Variants in TBL3 observed in about 807,000 individuals in gnomAD.
TBL3 encodes transducin beta-like protein 3.
In TBL3, 71 loss-of-function variants were observed where a neutral mutation model predicts 102.7. The ratio of observed to expected loss-of-function variants is 0.69; its 90% confidence interval spans 0.57 to 0.84. The LOEUF (loss-of-function observed/expected upper bound fraction) is 0.84. Among genes scored for constraint, TBL3 ranks in the 40% least tolerant of loss-of-function variants. The probability of loss-of-function intolerance (pLI) is 0.00; values close to 1 mark genes in which losing one functional copy is unlikely to be tolerated. For synonymous variants in TBL3, 578 were observed against 477.7 expected, an observed-to-expected ratio of 1.21 and a Z score of -2.74; for missense variants, 1,188 against 1,098.5, an observed-to-expected ratio of 1.08 and a Z score of -1.15.
At position 1,982,921 on chromosome 16, in the gene TBL3, A is replaced by G. The variant is rs2083530071; in HGVS notation, c.*4236A>G. ...TAACGGAACAAGACCCTGTCTCAAA[A>G]AAAAAAAAGAAATCCACTCCCCATA... is the stretch of plus-strand genomic sequence containing the variant. On this transcript the variant is annotated 3_prime_UTR_variant, in exon 22 of 22. Coordinates refer to ENST00000568546, the MANE Select transcript of TBL3 (RefSeq NM_006453.3). 1 of 151,880 alleles carries G rather than the reference A, an allele frequency of 6.6e-6. No individual in the cohort carries two copies. Among genetic ancestry groups the G allele is most frequent in the African/African-American group, 2.4e-5 (1 of 41,252 alleles). 9.4% of individuals were successfully genotyped at this position (151,880 alleles called of 1,614,324 possible). A position where few individuals can be genotyped will look rare whatever the true frequency, so the allele number is the denominator to read the frequency against.
At position 1,981,165 on chromosome 16, in the gene TBL3, T is replaced by C. The variant is rs746372065; in HGVS notation, c.*2480T>C. On this transcript the variant is annotated 3_prime_UTR_variant, in exon 22 of 22. Transcript: ENST00000568546. ...CTGCCCCTTGCACTGAAACTGGGTA[T>C]CGGGGGCCTGCCATGGCTGTGGCTT... The C allele has an allele frequency of 1.5e-5, 25 of 1,613,542 alleles. No homozygotes were observed. The highest frequency in any genetic ancestry group is 2.0e-5 in the Non-Finnish European group (24 of 1,180,012).
chr16:1,976,222 C>G lies in TBL3; in HGVS notation c.1200C>G (p.Val400=). The G allele has an allele frequency of 6.2e-7, 1 of 1,614,186 alleles. No individual in the cohort carries two copies. Among genetic ancestry groups the G allele is most frequent in the Non-Finnish European group, 8.5e-7 (1 of 1,180,034 alleles). The change falls in exon 13 of 22, where the codon GTC becomes GTG. Residue 400 remains valine (V), a synonymous_variant. Transcript: ENST00000568546. The stretch of plus-strand genomic sequence containing the variant: ...CTCCCTGTCCCCAGGATCAGAGCGT[C>G]CGTATCTGGAGAATGAACAAGGCTG... ...LFASCAKDQS[V]RIWRMNKAGQ...
Position 1,981,240 on chromosome 16 carries a change from C to T in TBL3, c.*2555C>T. The T allele has an allele frequency of 6.2e-7, 1 of 1,607,220 alleles. No homozygotes were observed. Among genetic ancestry groups the T allele is most frequent in the African/African-American group, 1.3e-5 (1 of 74,942 alleles). On this transcript the variant is annotated 3_prime_UTR_variant, in exon 22 of 22. Coordinates refer to ENST00000568546, the MANE Select transcript of TBL3 (RefSeq NM_006453.3). ...GCGAGGACCCTTCTGCCTCCCCGTG[C>T]TTGAGAGGGCTCTGGGGGACCCAGA...
Position 1,975,435 on chromosome 16 carries a change from C to T in TBL3, c.802C>T (p.Gln268Ter). 6.2e-7 allele frequency: 1 copy of T among 1,613,630 alleles called. No individual in the cohort carries two copies. Among genetic ancestry groups the T allele is most frequent in the Non-Finnish European group, 8.5e-7 (1 of 1,179,894 alleles). The part of the protein sequence containing the change: ...PGLYFLTAGD[Q>*]GTLRVWEAAS... ...GCTGTACTTTCTGACAGCTGGCGACCAAGGTGTGTTGGGCCGGGACATGGG... is the reference window on the plus strand; with the variant it reads ...GCTGTACTTTCTGACAGCTGGCGACTAAGGTGTGTTGGGCCGGGACATGGG... The change falls in exon 9 of 22, where the codon CAA becomes TAA. Residue 268 changes from glutamine (Q) to a stop codon, truncating the protein, a stop_gained. Transcript: ENST00000568546. LOFTEE classifies it high-confidence loss of function.
chr16:1,976,122 A>C lies in TBL3; in HGVS notation c.1188+8A>C. 6.2e-7 allele frequency: 1 copy of C among 1,614,066 alleles called. No individual in the cohort carries two copies. On this transcript the variant is annotated splice_region_variant and intron_variant, in intron 12 of 21. Transcript: ENST00000568546. ...TTTGCCAGCTGTGCCAAGGTGAGGC[A>C]CCCTGAGAGGTAGGGGCAGGGGCAC...
chr16:1,973,488 G>A (rs1453433980), intron 1 of TBL3, among the ~76,000 whole-genome samples: 2 of 152,206 alleles, frequency 1.3e-5, no homozygotes, highest in Admixed American at 6.5e-5. Flanking sequence ...CCAGTGAAGA[G>A]GCCAGAGTGG....
chr16:1,975,703 A>G lies in TBL3; in HGVS notation c.980A>G (p.Gln327Arg), dbSNP rs774119265. 22 of 1,612,234 alleles carry G rather than the reference A, an allele frequency of 1.4e-5. No individual in the cohort carries two copies. The highest frequency in any genetic ancestry group is 1.3e-4 in the South Asian group (12 of 91,038). The change falls in exon 10 of 22, where the codon CAG (glutamine) becomes CGG (arginine). Residue 327 changes from glutamine to arginine, a missense_variant. Coordinates refer to ENST00000568546, the MANE Select transcript of TBL3 (RefSeq NM_006453.3). ...LLYEARSLRL[Q>R]KQFAGYSEEV... ...TACGAGGCTCGCTCCCTGCGGCTGCAGAAACAGGTGCACACCTGCCCTTGC... is the reference window on the plus strand; with the variant it reads ...TACGAGGCTCGCTCCCTGCGGCTGCGGAAACAGGTGCACACCTGCCCTTGC...
At position 1,975,055 on chromosome 16, in the gene TBL3, G is replaced by A. The variant is rs142475109; in HGVS notation, c.592G>A (p.Val198Ile). 58 of 1,608,298 alleles carry A rather than the reference G, an allele frequency of 3.6e-5. No homozygotes were observed. In the Admixed American group the frequency reaches 4.0e-4, roughly 11 times the overall value. ...LAVLTAHYSA[V>I]TSLAFSADGH... ...TGTGCTGACTGCCCACTACAGCGCC[G>A]TCACCTCACTGGCCTTCAGCGCCGA... is the stretch of plus-strand genomic sequence containing the variant. Residue 198 changes from valine to isoleucine, a missense_variant, in exon 7 of 22, where the codon GTC becomes ATC. By Grantham distance (29) the Val-to-Ile change is conservative. Transcript: ENST00000568546.
At chr16:1,975,972 ACACCCT>A (rs2083398062) in intron 11 of TBL3, 23 bp downstream of exon 11, 1 of 1,613,878 alleles carries the variant, frequency 6.2e-7, no homozygotes, top group African/African-American at 1.3e-5. Context: ...AGCCCACCTG[ACACCCT>A]GGGAGCCGCC....
intron 7 of TBL3, 30 bp downstream of exon 7, chr16:1,975,128 G>C (rs749155002): frequency 6.2e-7 from 1 of 1,613,130 alleles, no homozygotes; most frequent in South Asian, 1.1e-5. Context: ...AGGAGGGGGA[G>C]GCTTGGAAAG....
intron 1 of TBL3, 54 bp from the exon 2 acceptor site, chr16:1,974,002 C>A: frequency 6.7e-7 from 1 of 1,495,464 alleles, no homozygotes; most frequent in Non-Finnish European, 8.9e-7. Context: ...CAGGGCGGGG[C>A]CCTGGGGACT....
At position 1,979,462 on chromosome 16, in the gene TBL3, C is replaced by T; in HGVS notation, c.*777C>T. 1 of 1,611,402 alleles carries T rather than the reference C, an allele frequency of 6.2e-7. No individual in the cohort carries two copies. The highest frequency in any genetic ancestry group is 8.5e-7 in the Non-Finnish European group (1 of 1,179,446). On this transcript the variant is annotated 3_prime_UTR_variant, in exon 22 of 22. Transcript: ENST00000568546. ...CAGCCGCGGTCTGACGTTTCCAACA[C>T]GCGCACGCGCGCCCCCGCGGGCACG...
chr16:1,973,216 C>G (rs71385727), intron 1 of TBL3, among the ~76,000 whole-genome samples: 1 of 152,164 alleles, frequency 6.6e-6, no homozygotes, highest in South Asian at 2.1e-4. Context: ...CCGAAGCGGG[C>G]GGATCACGAG....
rs2083526277 is a variant in TBL3, at chr16:1,982,695, G to C, written c.*4010G>C. The stretch of plus-strand genomic sequence containing the variant: ...AGTACTTTGGGAGGCCGAGGCAGGG[G>C]GATTGCTTGAGCTCAGGAGTTCGAG... On this transcript the variant is annotated 3_prime_UTR_variant, in exon 22 of 22. Coordinates refer to ENST00000568546, the MANE Select transcript of TBL3 (RefSeq NM_006453.3). 1 of 152,184 alleles carries C rather than the reference G, an allele frequency of 6.6e-6. No homozygotes were observed. Among genetic ancestry groups the C allele is most frequent in the African/African-American group, 2.4e-5 (1 of 41,394 alleles). 9.4% of individuals were successfully genotyped at this position (152,184 alleles called of 1,614,324 possible).
In TBL3 at chr16:1,972,192, C is replaced by T; in HGVS notation, c.28C>T (p.Arg10Cys). ...GGCAGAGACCGCGGCCGGAGTGGGC[C>T]GCTTCAAGACCAAGTGAGCCCGGAG... MAETAAGVG[R>C]FKTNYAVERK... The change falls in exon 1 of 22, where the codon CGC becomes TGC. Residue 10 changes from arginine to cysteine, a missense_variant. Physicochemically the swap from Arg to Cys is radical, Grantham distance 180 (BLOSUM62 -3). Transcript: ENST00000568546. 2 of 1,411,936 alleles carry T rather than the reference C, an allele frequency of 1.4e-6. No individual in the cohort carries two copies. The allele number at this position is 1,411,936 out of a possible 1,614,324, so 87.5% of individuals were successfully genotyped here. A position where few individuals can be genotyped will look rare whatever the true frequency, so the allele number is the denominator to read the frequency against.
In TBL3 at chr16:1,979,498, C is replaced by T. The variant is rs2083453724; in HGVS notation, c.*813C>T. On this transcript the variant is annotated 3_prime_UTR_variant, in exon 22 of 22. Coordinates refer to ENST00000568546, the MANE Select transcript of TBL3 (RefSeq NM_006453.3). ...GCCCCCGCGGGCACGGACAGCTCATCTGCGCGGCTGCTCTCGTAGGCGCGG... is the reference window on the plus strand; with the variant it reads ...GCCCCCGCGGGCACGGACAGCTCATTTGCGCGGCTGCTCTCGTAGGCGCGG... 1.2e-6 allele frequency: 2 copies of T among 1,611,894 alleles called. No homozygotes were observed. The highest frequency in any genetic ancestry group is 1.7e-6 in the Non-Finnish European group (2 of 1,179,402).
At position 1,980,713 on chromosome 16, in the gene TBL3, A is replaced by G. The variant is rs1406801021; in HGVS notation, c.*2028A>G. 6.2e-7 allele frequency: 1 copy of G among 1,604,912 alleles called. No individual in the cohort carries two copies. The highest frequency in any genetic ancestry group is 1.3e-5 in the African/African-American group (1 of 74,974). On this transcript the variant is annotated 3_prime_UTR_variant, in exon 22 of 22. Coordinates refer to ENST00000568546, the MANE Select transcript of TBL3 (RefSeq NM_006453.3). ...CGCAGCAGGCCCGCCTCCACCGGGAAGGTCTCCTTGAGGGTCTTCTGAGGG... is the reference window on the plus strand; with the variant it reads ...CGCAGCAGGCCCGCCTCCACCGGGAGGGTCTCCTTGAGGGTCTTCTGAGGG...
chr16:1,979,190 C>A lies in TBL3; in HGVS notation c.*505C>A. ...TGGCGCCCGGCGAAGGTCGGGTGGGCACGGTGGGGGGAGGGGCGGTGGCCT... is the reference window on the plus strand; with the variant it reads ...TGGCGCCCGGCGAAGGTCGGGTGGGAACGGTGGGGGGAGGGGCGGTGGCCT... On this transcript the variant is annotated 3_prime_UTR_variant, in exon 22 of 22. Transcript: ENST00000568546. The A allele has an allele frequency of 6.9e-7, 1 of 1,459,410 alleles. No homozygotes were observed. Among genetic ancestry groups the A allele is most frequent in the Non-Finnish European group, 9.0e-7 (1 of 1,113,994 alleles). The allele number at this position is 1,459,410 out of a possible 1,614,324, so 90.4% of individuals were successfully genotyped here.
chr16:1,978,231 A>C lies in TBL3; in HGVS notation c.2134+11A>C. The C allele has an allele frequency of 6.2e-7, 1 of 1,612,804 alleles. No individual in the cohort carries two copies. The highest frequency in any genetic ancestry group is 1.3e-5 in the African/African-American group (1 of 75,062). ...GGCGCGACCAGAAAGGTTGGCGGCCAGTCAGGGTGGGTGGCCCGGTGGGCA... is the reference window on the plus strand; with the variant it reads ...GGCGCGACCAGAAAGGTTGGCGGCCCGTCAGGGTGGGTGGCCCGGTGGGCA... On this transcript the variant is annotated intron_variant, in intron 20 of 21. Transcript: ENST00000568546.
Sources: gnomAD v4.1 joint callset for allele counts (sites outside exome capture counted in the v4.1 genomes callset) on GRCh38, gnomAD v4.1.1 for gene constraint, MANE v1.5 for transcripts, NCBI Gene and HGNC (gene_info 2026-07-23, HGNC 2026-07-21) for gene names.